The following OSBPL6 variants were observed in gnomAD, a reference collection of about 807,000 sequenced individuals.
OSBPL6 encodes oxysterol-binding protein-related protein 6.
Under a neutral mutation model 125.8 loss-of-function variants are expected in OSBPL6, and 49 were observed. The ratio of observed to expected loss-of-function variants is 0.39; its 90% CI spans 0.31 to 0.49. The LOEUF is 0.49. Among genes scored for constraint, OSBPL6 ranks in the 20% least tolerant of loss-of-function variants. The pLI is 0.88. For missense variants in OSBPL6, 986 were observed against 1,135.4 expected (o/e 0.87, Z 1.89); for synonymous variants, 394 against 391.8 (o/e 1.01, Z -0.07).
intron 23 of OSBPL6, among the ~76,000 whole-genome samples, chr2:178,393,492 T>C (rs938082725): frequency 3.9e-5 from 6 of 152,252 alleles, no homozygotes; most frequent in Non-Finnish European, 4.4e-5. Context: ...CATGTATTTG[T>C]GGCTTTATCT....
chr2:178,307,754 C>T (rs137892826), intron 3 of OSBPL6, among the ~76,000 whole-genome samples: 1 of 152,224 alleles, frequency 6.6e-6, no homozygotes, highest in East Asian at 1.9e-4. Context: ...TCATTGTAAG[C>T]AGCATGACCT....
chr2:178,220,581 C>T (rs2090296658), intron 1 of OSBPL6, among the ~76,000 whole-genome samples: 2 of 152,214 alleles, frequency 1.3e-5, no homozygotes, highest in East Asian at 1.9e-4. Flanking sequence ...GCTGGGATTA[C>T]AGGCATGAGC....
chr2:178,279,573 A>G (rs924566131), intron 1 of OSBPL6, among the ~76,000 whole-genome samples: 1 of 152,230 alleles, frequency 6.6e-6, no homozygotes. Context: ...TCTACAGAGG[A>G]TATGTTTAAA....
rs531968621 is a variant in OSBPL6, at chr2:178,285,017, A to C, written c.-260A>C. 2.0e-5 allele frequency: 8 copies of C among 398,468 alleles called. 1 individual carries two copies. The Admixed American group carries it at 2.6e-4, about 13-fold the overall frequency. The allele number at this position is 398,468 out of a possible 1,614,324, so 24.7% of individuals were successfully genotyped here. A position where few individuals can be genotyped will look rare whatever the true frequency, so the allele number is the denominator to read the frequency against. ...AGATAGCCCCAGCAAGGTCAAAGAC[A>C]TATCATGTCCCAAGGAGAAAAGCTG... On this transcript the variant is annotated 5_prime_UTR_variant, in exon 2 of 25. Coordinates refer to ENST00000190611, the MANE Select transcript of OSBPL6 (RefSeq NM_032523.4).
rs373199867 is a variant in OSBPL6 at position 178,397,268 on chromosome 2, A to C, written c.*1709A>C. 7.2e-4 allele frequency: 109 copies of C among 152,364 alleles called. No homozygotes were observed. Among genetic ancestry groups the C allele is most frequent in the African/African-American group, 2.3e-3 (97 of 41,594 alleles). The allele number at this position is 152,364 out of a possible 1,614,324, so 9.4% of individuals were successfully genotyped here. A position where few individuals can be genotyped will look rare whatever the true frequency, so the allele number is the denominator to read the frequency against. ...ATCTGAGTTTTTATGTTATGTGTAC[A>C]GTCTGCATTAGCTTAGAATGGAATT... On this transcript the variant is annotated 3_prime_UTR_variant, in exon 25 of 25. Coordinates refer to ENST00000190611, the MANE Select transcript of OSBPL6 (RefSeq NM_032523.4).
chr2:178,372,972 C>T (rs901579798), intron 14 of OSBPL6, among the ~76,000 whole-genome samples: 2 of 152,136 alleles, frequency 1.3e-5, no homozygotes, highest in South Asian at 2.1e-4. Flanking sequence ...CACTTTTTAA[C>T]AGTAATGTTA....
At chr2:178,297,155 C>CT (rs201062716) in intron 2 of OSBPL6, among the ~76,000 whole-genome samples, 2,787 of 150,730 alleles carry the variant, frequency 0.018, 57 homozygotes, top group South Asian at 0.096. Context: ...TCTGGCAGGC[C>CT]TTTTTTTTTA....
chr2:178,274,499 C>T (rs1281963398), intron 1 of OSBPL6, among the ~76,000 whole-genome samples: 1 of 152,076 alleles, frequency 6.6e-6, no homozygotes, highest in Non-Finnish European at 1.5e-5. Context: ...TTACTCTCTC[C>T]ATCTTCACAG....
chr2:178,348,584 G>T (rs191661840), intron 11 of OSBPL6, among the ~76,000 whole-genome samples: 1 of 152,240 alleles, frequency 6.6e-6, no homozygotes, highest in African/African-American at 2.4e-5. Flanking sequence ...GCTGGTTCAT[G>T]AGCCATGTGC....
chr2:178,345,320 T>C (rs1008839458), intron 11 of OSBPL6, among the ~76,000 whole-genome samples: 3 of 152,246 alleles, frequency 2.0e-5, no homozygotes, highest in African/African-American at 7.2e-5. Context: ...GAAAAAGTTT[T>C]GGCTGCATTG....
chr2:178,310,555 C>A (rs1687176652), intron 3 of OSBPL6, among the ~76,000 whole-genome samples: 1 of 151,514 alleles, frequency 6.6e-6, no homozygotes, highest in Admixed American at 6.6e-5. Context: ...GTAGCTGGGA[C>A]TACAGGTGCC....
At chr2:178,215,553 G>A (rs374763148) in intron 1 of OSBPL6, among the ~76,000 whole-genome samples, 9 of 152,088 alleles carry the variant, frequency 5.9e-5, no homozygotes, top group African/African-American at 1.7e-4. Flanking sequence ...GAGTATAGAC[G>A]GTGAGAGAGA....
chr2:178,199,591 T>G (rs935691719), intron 1 of OSBPL6, among the ~76,000 whole-genome samples: 9 of 152,054 alleles, frequency 5.9e-5, no homozygotes, highest in African/African-American at 1.9e-4. Flanking sequence ...AGGGTTTTTT[T>G]TTTTTTTTTC....
chr2:178,328,367 G>T lies in OSBPL6; in HGVS notation c.307G>T (p.Gly103Cys). ...MLKKRKWPLK[G>C]WHKRFFVLDN... The stretch of plus-strand genomic sequence containing the variant: ...GAAGAAAAGAAAATGGCCTTTAAAA[G>T]GCTGGCACAAGGTAACATTTTTATC... The change falls in exon 5 of 25, where the codon GGC (glycine) becomes TGC (cysteine). Residue 103 changes from glycine to cysteine, a missense_variant. Physicochemically the swap from Gly to Cys is radical, Grantham distance 159. This residue lies in a region of OSBPL6 where 13 missense variants were observed against 31.7 expected (regional missense o/e 0.41). Transcript: ENST00000190611. 1 of 1,613,304 alleles carries T rather than the reference G, an allele frequency of 6.2e-7. No homozygotes were observed. The highest frequency in any genetic ancestry group is 8.5e-7 in the Non-Finnish European group (1 of 1,179,712).
intron 2 of OSBPL6, among the ~76,000 whole-genome samples, chr2:178,288,011 T>C (rs569806622): frequency 1.2e-4 from 18 of 151,890 alleles, no homozygotes; most frequent in Admixed American, 1.1e-3. Flanking sequence ...AATAACATGG[T>C]TAGGTAAAAA....
rs760236981 is a variant in OSBPL6, at chr2:178,384,028, T to C, written c.1876-11T>C. On this transcript the variant is annotated splice_polypyrimidine_tract_variant and intron_variant, in intron 17 of 24. Coordinates refer to ENST00000190611, the MANE Select transcript of OSBPL6 (RefSeq NM_032523.4). Reference sequence around the variant, plus strand: ...TCCTATATTATTCCCTTTTCTTCAATGTTTTAACAGGTTCTCGTTGCCGCA... The same window carrying C: ...TCCTATATTATTCCCTTTTCTTCAACGTTTTAACAGGTTCTCGTTGCCGCA... 3 of 1,612,494 alleles carry C rather than the reference T, an allele frequency of 1.9e-6. No individual in the cohort carries two copies. Among genetic ancestry groups the C allele is most frequent in the Non-Finnish European group, 2.5e-6 (3 of 1,178,606 alleles).
At chr2:178,337,949 C>CTTTT (rs755944128) in intron 9 of OSBPL6, among the ~76,000 whole-genome samples, 4 of 139,150 alleles carry the variant, frequency 2.9e-5, no homozygotes, top group African/African-American at 1.1e-4. Context: ...TCAGTATTCT[C>CTTTT]TTTTTTTTTT....
At chr2:178,211,266 T>A (rs904098167) in intron 1 of OSBPL6, among the ~76,000 whole-genome samples, 1 of 152,098 alleles carries the variant, frequency 6.6e-6, no homozygotes, top group Admixed American at 6.5e-5. Flanking sequence ...TGAGATCCTA[T>A]CTCAAAAACA....
At chr2:178,354,879 A>G (rs1691623883) in intron 12 of OSBPL6, among the ~76,000 whole-genome samples, 1 of 152,214 alleles carries the variant, frequency 6.6e-6, no homozygotes, top group Admixed American at 6.5e-5. Flanking sequence ...AAATCACAGC[A>G]AACTGTCTCT....
Sources: gnomAD v4.1 joint callset for allele counts (sites outside exome capture counted in the v4.1 genomes callset) on GRCh38, gnomAD v4.1.1 for gene constraint, gnomAD v4.1.1 regional missense constraint, MANE v1.5 for transcripts, NCBI Gene and HGNC (gene_info 2026-07-23, HGNC 2026-07-21) for gene names.